The following BCL11A variants were observed in gnomAD, a reference collection of about 807,000 sequenced individuals.
BCL11A encodes B cell CLL/lymphoma 11A.
BCL11A carries 2 observed loss-of-function variants against 55.9 expected under a neutral mutation model. That is an observed-to-expected ratio of 0.04 (90% CI 0.01 to 0.11). The LOEUF (loss-of-function observed/expected upper bound fraction) is 0.11. Among genes scored for constraint, BCL11A ranks in the 10% least tolerant of loss-of-function variants. The probability of loss-of-function intolerance (pLI) is 1.00; values close to 1 mark genes in which losing one functional copy is unlikely to be tolerated. For synonymous variants in BCL11A, 465 were observed against 473.4 expected, an observed-to-expected ratio of 0.98 and a Z score of 0.23; for missense variants, 817 against 1,137.1, an observed-to-expected ratio of 0.72 and a Z score of 4.05.
At chr2:60,522,912 GAC>G (rs1669055949) in intron 2 of BCL11A, 1 of 152,200 alleles carries the variant, frequency 6.6e-6, no homozygotes, top group African/African-American at 2.4e-5. Context: ...ACTATTTTTA[GAC>G]AGGATAAGGT....
At chr2:60,512,023 C>T (rs1208243846) in intron 2 of BCL11A, among the ~76,000 whole-genome samples, 5 of 152,174 alleles carry the variant, frequency 3.3e-5, no homozygotes, top group African/African-American at 4.8e-5. Flanking sequence ...GACATAGTAA[C>T]GCTTCCCAGG....
At chr2:60,478,497 C>T (rs1365474859) in intron 2 of BCL11A, among the ~76,000 whole-genome samples, 1 of 152,230 alleles carries the variant, frequency 6.6e-6, no homozygotes, top group Non-Finnish European at 1.5e-5. Context: ...TCAGGGGAAG[C>T]GTGGAAGGCA....
chr2:60,523,457 G>A (rs946652626), intron 2 of BCL11A, among the ~76,000 whole-genome samples: 2 of 152,092 alleles, frequency 1.3e-5, no homozygotes, highest in Non-Finnish European at 2.9e-5. Context: ...TGATTTGATG[G>A]AATCATGGTG....
At chr2:60,467,060 A>G (rs1473773401) in intron 3 of BCL11A, among the ~76,000 whole-genome samples, 2 of 149,030 alleles carry the variant, frequency 1.3e-5, no homozygotes, top group African/African-American at 4.9e-5. Context: ...GAACAAGTAA[A>G]TGGTGGTGGC....
At chr2:60,488,442 TGAAA>T (rs1357155975) in intron 2 of BCL11A, among the ~76,000 whole-genome samples, 3 of 152,208 alleles carry the variant, frequency 2.0e-5, no homozygotes, top group Non-Finnish European at 2.9e-5. Flanking sequence ...ACAGCAAATG[TGAAA>T]GAAAGGACAC....
intron 2 of BCL11A, 196 bp downstream of exon 2, chr2:60,545,775 T>C: frequency 1.7e-6 from 1 of 585,738 alleles, no homozygotes; most frequent in Non-Finnish European, 3.0e-6. Flanking sequence ...TCTGATTCAG[T>C]GAGGTGGAAA....
intron 2 of BCL11A, among the ~76,000 whole-genome samples, chr2:60,494,242 C>T (rs1293993655): frequency 6.6e-6 from 1 of 152,142 alleles, no homozygotes; most frequent in Non-Finnish European, 1.5e-5. Flanking sequence ...TGCTGACAGG[C>T]CACATGGGAG....
chr2:60,479,308 C>T (rs1031374900), intron 2 of BCL11A, among the ~76,000 whole-genome samples: 4 of 152,218 alleles, frequency 2.6e-5, no homozygotes, highest in Admixed American at 2.0e-4. Context: ...GGCACAGCGG[C>T]CACACACCAC....
At chr2:60,468,008 ATGGTGGTGGTGG>A (rs1228744266) in intron 3 of BCL11A, among the ~76,000 whole-genome samples, 1 of 11,026 alleles carries the variant, frequency 9.1e-5, no homozygotes, top group African/African-American at 3.4e-4. Context: ...GGTGGTGGTG[ATGGTGGTGGTGG>A]TGGTAGTGGT....
chr2:60,496,774 GCT>G lies in BCL11A; in HGVS notation c.386-27943_386-27942del, dbSNP rs10657650. Among the ~76,000 whole-genome samples, 185 of 149,006 alleles carry G rather than the reference GCT, an allele frequency of 1.2e-3. 1 individual carries two copies. Among genetic ancestry groups the G allele is most frequent in the Middle Eastern group, 7.0e-3 (2 of 284 alleles). On this transcript the variant is annotated intron_variant, in intron 2 of 3. Coordinates refer to ENST00000642384, the MANE Select transcript of BCL11A (RefSeq NM_022893.4). ...TCCCACTCTAGGTTCCACTGTGAGT[GCT>G]CTCTCTCTCTCTCTCTCTCACTATG...
intron 2 of BCL11A, chr2:60,536,687 C>A (rs1198121601): frequency 1.3e-5 from 2 of 152,190 alleles, no homozygotes; most frequent in Admixed American, 6.5e-5. Context: ...TGCCTGCCAC[C>A]CCCCTGCTGG....
chr2:60,467,492 A>G (rs1163632374), intron 3 of BCL11A, among the ~76,000 whole-genome samples: 1 of 2,274 alleles, frequency 4.4e-4, no homozygotes. Context: ...GGTGGTGGTG[A>G]TGGTGGTGAT....
downstream of BCL11A, chr2:60,453,157 A>C (rs1675797262): frequency 6.6e-6 from 1 of 152,508 alleles, no homozygotes; most frequent in South Asian, 2.1e-4. Context: ...CAAAGCAGCC[A>C]ATGATTTACA....
At chr2:60,543,346 C>A (rs1670009679) in intron 2 of BCL11A, 2 of 152,228 alleles carry the variant, frequency 1.3e-5, no homozygotes, top group Admixed American at 1.3e-4. Context: ...ATCAATATAT[C>A]TCTTTCCTTA....
At chr2:60,538,739 CTGTGTGTGTGTGTGTGTGTG>C (rs777467539) in intron 2 of BCL11A, among the ~76,000 whole-genome samples, 111 of 67,530 alleles carry the variant, frequency 1.6e-3, no homozygotes, top group Non-Finnish European at 2.6e-3. Flanking sequence ...CTCTCTCTCT[CTGTGTGTGTGTGTGTGTGTG>C]TGTGTGTGTG....
Position 60,459,928 on chromosome 2 carries a change from G to C in BCL11A, c.*476C>G. 9.4e-7 allele frequency: 1 copy of C among 1,061,318 alleles called. No homozygotes were observed. The highest frequency in any genetic ancestry group is 1.1e-6 in the Non-Finnish European group (1 of 876,826). The allele number at this position is 1,061,318 out of a possible 1,614,324, so 65.7% of individuals were successfully genotyped here. A position where few individuals can be genotyped will look rare whatever the true frequency, so the allele number is the denominator to read the frequency against. ...TGTATTACAGAATGTATGCAGCATG[G>C]TCTTTTTCTCTCTCTCTCTCTTTTT... On this transcript the variant is annotated 3_prime_UTR_variant, in exon 4 of 4. Transcript: ENST00000642384.
At position 60,490,150 on chromosome 2, in the gene BCL11A, T is replaced by A. The variant is rs113539416; in HGVS notation, c.386-21317A>T. On this transcript the variant is annotated intron_variant, in intron 2 of 3. Coordinates refer to ENST00000642384, the MANE Select transcript of BCL11A (RefSeq NM_022893.4). ...ACAATATCTGGTTCCATTCTGCTAG[T>A]GAAAGGAAACCCTACGGTCAACCAA... is the stretch of plus-strand genomic sequence containing the variant. Among the ~76,000 whole-genome samples the A allele has an allele frequency of 1.3e-3, 201 of 152,280 alleles. 1 individual carries two copies. Among genetic ancestry groups the A allele is most frequent in the Non-Finnish European group, 1.5e-3 (100 of 68,024 alleles).
downstream of BCL11A, among the ~76,000 whole-genome samples, chr2:60,453,404 T>C (rs1675805980): frequency 6.6e-6 from 1 of 152,252 alleles, no homozygotes; most frequent in Admixed American, 6.5e-5. Flanking sequence ...GGAAGAGGGC[T>C]ACCACTGTGG....
intron 1 of BCL11A, among the ~76,000 whole-genome samples, chr2:60,549,027 T>C (rs1670275127): frequency 6.6e-6 from 1 of 152,180 alleles, no homozygotes; most frequent in Non-Finnish European, 1.5e-5. Context: ...AATACCAACA[T>C]TTCTAAGCTC....
Sources: gnomAD v4.1 joint callset for allele counts (sites outside exome capture counted in the v4.1 genomes callset) on GRCh38, gnomAD v4.1.1 for gene constraint, MANE v1.5 for transcripts, NCBI Gene and HGNC (gene_info 2026-07-23, HGNC 2026-07-21) for gene names.